CPA6: variants seen among roughly 807,000 people sequenced by gnomAD.
The protein encoded by CPA6 is carboxypeptidase B.
CPA6 carries 58 observed loss-of-function variants against 63.3 expected under a neutral mutation model. That is an observed-to-expected ratio of 0.92 (90% CI 0.74 to 1.14). The LOEUF is 1.14. Among genes scored for constraint, CPA6 ranks in the 50% most tolerant of loss-of-function variants. CPA6 has a pLI of 0.00. For missense variants in CPA6, 565 were observed against 526.6 expected (o/e 1.07, Z -0.71); for synonymous variants, 185 against 179.0 (o/e 1.03, Z -0.27).
chr8:67,578,403 T>C (rs560364670), intron 2 of CPA6, among the ~76,000 whole-genome samples: 2 of 152,314 alleles, frequency 1.3e-5, no homozygotes, highest in South Asian at 2.1e-4. Flanking sequence ...TCCCAACCCA[T>C]GACTTTTGAT....
chr8:67,629,620 A>G (rs1041789287), intron 1 of CPA6, among the ~76,000 whole-genome samples: 4 of 152,174 alleles, frequency 2.6e-5, no homozygotes, highest in Admixed American at 2.0e-4. Context: ...TGTGATGGAT[A>G]GCGGTTGTTG....
chr8:67,472,028 T>G (rs1811070310), intron 8 of CPA6, among the ~76,000 whole-genome samples: 1 of 152,232 alleles, frequency 6.6e-6, no homozygotes, highest in African/African-American at 2.4e-5. Flanking sequence ...CAGAGAGATG[T>G]ATTTTGTTAT....
chr8:67,689,137 C>T (rs1181047338), intron 1 of CPA6, among the ~76,000 whole-genome samples: 2 of 152,072 alleles, frequency 1.3e-5, no homozygotes, highest in African/African-American at 4.8e-5. Flanking sequence ...ATTCAGTCTA[C>T]TAAAACCCAC....
chr8:67,430,078 A>C (rs746457753), intron 9 of CPA6, among the ~76,000 whole-genome samples: 8 of 151,822 alleles, frequency 5.3e-5, no homozygotes, highest in Non-Finnish European at 1.2e-4. Context: ...CAATTGTCAA[A>C]AAGTACCTAG....
intron 8 of CPA6, among the ~76,000 whole-genome samples, chr8:67,462,558 A>G (rs936280975): frequency 6.6e-6 from 1 of 152,228 alleles, no homozygotes; most frequent in African/African-American, 2.4e-5. Flanking sequence ...GTCAAAAGGC[A>G]CATGTATTTC....
chr8:67,485,502 G>A (rs1811459296), intron 6 of CPA6, among the ~76,000 whole-genome samples: 2 of 152,130 alleles, frequency 1.3e-5, no homozygotes, highest in Admixed American at 6.5e-5. Flanking sequence ...ATGTTAATTT[G>A]TGATCTGCTT....
At chr8:67,722,982 A>C (rs1189398397) in intron 1 of CPA6, among the ~76,000 whole-genome samples, 1 of 151,850 alleles carries the variant, frequency 6.6e-6, no homozygotes, top group Non-Finnish European at 1.5e-5. Context: ...ACATACACTA[A>C]AACATCCCCT....
At chr8:67,683,844 G>A (rs1816649566) in intron 1 of CPA6, among the ~76,000 whole-genome samples, 1 of 151,202 alleles carries the variant, frequency 6.6e-6, no homozygotes. Flanking sequence ...TGGGGGGAGG[G>A]GAGAAGGTCT....
At chr8:67,595,100 A>G (rs1814286235) in intron 2 of CPA6, among the ~76,000 whole-genome samples, 1 of 152,118 alleles carries the variant, frequency 6.6e-6, no homozygotes, top group Admixed American at 6.5e-5. Flanking sequence ...CTTCTAACAG[A>G]CAGGACCCTC....
intron 2 of CPA6, among the ~76,000 whole-genome samples, chr8:67,605,989 T>C (rs1209380628): frequency 6.6e-6 from 1 of 152,102 alleles, no homozygotes; most frequent in Non-Finnish European, 1.5e-5. Flanking sequence ...GGGTCACTCC[T>C]ACCTGTAAAA....
intron 1 of CPA6, among the ~76,000 whole-genome samples, chr8:67,650,205 T>C (rs1815805150): frequency 6.6e-6 from 1 of 152,180 alleles, no homozygotes; most frequent in Admixed American, 6.5e-5. Context: ...ATTTCTTCAA[T>C]GGTTAAGAAA....
chr8:67,500,937 A>G (rs983718388), intron 6 of CPA6, among the ~76,000 whole-genome samples: 6 of 151,978 alleles, frequency 3.9e-5, no homozygotes, highest in Non-Finnish European at 8.8e-5. Context: ...TTCTTTCACC[A>G]ATACCACACA....
intron 2 of CPA6, among the ~76,000 whole-genome samples, chr8:67,521,529 C>T (rs901924482): frequency 2.6e-5 from 4 of 152,208 alleles, no homozygotes; most frequent in Non-Finnish European, 4.4e-5. Flanking sequence ...AGGATAATCA[C>T]TGTTTCTTAT....
chr8:67,536,691 T>G (rs985570899), intron 2 of CPA6, among the ~76,000 whole-genome samples: 16 of 152,212 alleles, frequency 1.1e-4, no homozygotes, highest in African/African-American at 3.4e-4. Flanking sequence ...CATTTATTTC[T>G]TTCTCTTGCC....
intron 1 of CPA6, among the ~76,000 whole-genome samples, chr8:67,728,087 A>C (rs904075779): frequency 4.0e-5 from 6 of 150,970 alleles, no homozygotes; most frequent in African/African-American, 1.5e-4. Flanking sequence ...CAAAAAAAAA[A>C]AAAACAAAAA....
At chr8:67,438,132 T>G (rs537059267) in intron 8 of CPA6, among the ~76,000 whole-genome samples, 10 of 152,098 alleles carry the variant, frequency 6.6e-5, no homozygotes, top group Non-Finnish European at 1.3e-4. Flanking sequence ...TTGCCAGGCT[T>G]GTCTTGAACT....
chr8:67,522,726 G>T (rs537165592), intron 2 of CPA6, among the ~76,000 whole-genome samples: 1 of 152,336 alleles, frequency 6.6e-6, no homozygotes, highest in South Asian at 2.1e-4. Context: ...CCCAGTTTTT[G>T]GGTGCCATTG....
chr8:67,495,413 A>T (rs1023644949), intron 6 of CPA6, among the ~76,000 whole-genome samples: 1 of 152,194 alleles, frequency 6.6e-6, no homozygotes, highest in Admixed American at 6.5e-5. Flanking sequence ...CCATTACAGG[A>T]CTTAGCATGC....
At chr8:67,656,153 T>C (rs2128992189) in intron 1 of CPA6, among the ~76,000 whole-genome samples, 1 of 152,286 alleles carries the variant, frequency 6.6e-6, no homozygotes, top group South Asian at 2.1e-4. Context: ...TAAACAGAGT[T>C]GTGTGAGAAA....
Sources: gnomAD v4.1 joint callset for allele counts (sites outside exome capture counted in the v4.1 genomes callset) on GRCh38, gnomAD v4.1.1 for gene constraint, MANE v1.5 for transcripts, NCBI Gene and HGNC (gene_info 2026-07-23, HGNC 2026-07-21) for gene names.